The following PRKCH variants were observed in gnomAD, a reference collection of about 807,000 sequenced individuals.
PRKCH encodes protein kinase C eta.
PRKCH carries 28 observed loss-of-function variants against 82.5 expected under a neutral mutation model. That is an observed-to-expected ratio of 0.34 (90% CI 0.25 to 0.47). The LOEUF (loss-of-function observed/expected upper bound fraction) is 0.47, where lower values mean the gene tolerates loss of function less well. Among genes scored for constraint, PRKCH ranks in the 20% least tolerant of loss-of-function variants. The probability of loss-of-function intolerance (pLI) is 1.00; values close to 1 mark genes in which losing one functional copy is unlikely to be tolerated. For missense variants in PRKCH, 705 were observed against 881.8 expected (o/e 0.80, Z 2.54); for synonymous variants, 322 against 327.4 (o/e 0.98, Z 0.18).
chr14:61,195,679 G>A (rs2044436045), intron 1 of PRKCH, among the ~76,000 whole-genome samples: 2 of 152,210 alleles, frequency 1.3e-5, no homozygotes, highest in Non-Finnish European at 2.9e-5. Flanking sequence ...TAAAGGAGTA[G>A]GAGTTGTTGA....
At chr14:61,449,017 A>G in intron 4 of PRKCH, 147 bp from the exon 5 acceptor site, 2 of 676,236 alleles carry the variant, frequency 3.0e-6, no homozygotes, top group Non-Finnish European at 5.2e-6. Context: ...TGGCGAAGGC[A>G]ATAGGAAGGA....
chr14:61,211,496 T>G (rs1443360978), intron 1 of PRKCH, among the ~76,000 whole-genome samples: 2 of 152,184 alleles, frequency 1.3e-5, no homozygotes, highest in Non-Finnish European at 2.9e-5. Context: ...CCAAGAAAGT[T>G]CTGTTAATTG....
upstream of PRKCH, among the ~76,000 whole-genome samples, chr14:61,318,694 G>A (rs1329266729): frequency 1.3e-5 from 2 of 151,730 alleles, no homozygotes; most frequent in Non-Finnish European, 2.9e-5. Flanking sequence ...TACCACCTGA[G>A]TCCTGGCCAC....
chr14:61,351,383 G>C (rs1200565758), intron 1 of PRKCH, among the ~76,000 whole-genome samples: 2 of 152,200 alleles, frequency 1.3e-5, no homozygotes, highest in Non-Finnish European at 2.9e-5. Flanking sequence ...TGGGCGAGGA[G>C]TGCAGGTGGT....
chr14:61,193,232 ACAT>A (rs2044419112), intron 1 of PRKCH, among the ~76,000 whole-genome samples: 1 of 152,222 alleles, frequency 6.6e-6, no homozygotes, highest in Non-Finnish European at 1.5e-5. Flanking sequence ...AATGGAAAAA[ACAT>A]GTTTGCCTTA....
At chr14:61,208,909 G>T (rs2044548035) in intron 1 of PRKCH, among the ~76,000 whole-genome samples, 1 of 152,130 alleles carries the variant, frequency 6.6e-6, no homozygotes, top group Non-Finnish European at 1.5e-5. Flanking sequence ...CGTTAGATGG[G>T]ATTAGTACCT....
intron 1 of PRKCH, among the ~76,000 whole-genome samples, chr14:61,264,981 A>G (rs2045084750): frequency 6.6e-6 from 1 of 152,156 alleles, no homozygotes; most frequent in Non-Finnish European, 1.5e-5. Context: ...AGATCACTAG[A>G]GCCACCCAGT....
intron 9 of PRKCH, among the ~76,000 whole-genome samples, chr14:61,468,764 A>G (rs1202263234): frequency 6.6e-6 from 1 of 152,162 alleles, no homozygotes; most frequent in Admixed American, 6.5e-5. Context: ...GACTGAGTAG[A>G]CCGCCACCTC....
intron 1 of PRKCH, among the ~76,000 whole-genome samples, chr14:61,229,881 G>A (rs1247825315): frequency 6.6e-6 from 1 of 152,122 alleles, no homozygotes; most frequent in East Asian, 1.9e-4. Flanking sequence ...ATGCAATGTC[G>A]ACGGCATGGG....
intron 1 of PRKCH, among the ~76,000 whole-genome samples, chr14:61,196,269 T>C (rs1233756496): frequency 6.6e-6 from 1 of 152,200 alleles, no homozygotes; most frequent in Non-Finnish European, 1.5e-5. Flanking sequence ...AATGTGGTGA[T>C]GGTCAGGAGT....
At chr14:61,248,657 A>G (rs981789015) in intron 1 of PRKCH, among the ~76,000 whole-genome samples, 9 of 152,158 alleles carry the variant, frequency 5.9e-5, no homozygotes, top group South Asian at 2.1e-4. Context: ...AAATTATCCA[A>G]TAAACCTCCT....
At chr14:61,244,462 A>G (rs1270262623) in intron 1 of PRKCH, among the ~76,000 whole-genome samples, 1 of 152,190 alleles carries the variant, frequency 6.6e-6, no homozygotes, top group Non-Finnish European at 1.5e-5. Flanking sequence ...TTTTAAACCT[A>G]CCCTGCTCTA....
intron 1 of PRKCH, among the ~76,000 whole-genome samples, chr14:61,215,209 G>A (rs2044608329): frequency 6.6e-6 from 1 of 152,094 alleles, no homozygotes; most frequent in Non-Finnish European, 1.5e-5. Flanking sequence ...CTTTTTTTTA[G>A]ATGTGAGGAA....
At position 61,265,968 on chromosome 14, in the gene PRKCH, G is replaced by A. The variant is rs150393271; in HGVS notation, c.-19+78300G>A. On this transcript the variant is annotated intron_variant, in intron 1 of 3. Transcript: ENST00000555185. ...AAATTAGCCAAGCGTGGTGGCATGCGCCTGTAATCCTAGCTACTCGGGAGG... is the reference window on the plus strand; with the variant it reads ...AAATTAGCCAAGCGTGGTGGCATGCACCTGTAATCCTAGCTACTCGGGAGG... Among the ~76,000 whole-genome samples the A allele has an allele frequency of 1.3e-3, 200 of 152,202 alleles. 1 individual carries two copies. Among genetic ancestry groups the A allele is most frequent in the African/African-American group, 4.7e-3 (196 of 41,524 alleles).
At position 61,534,325 on chromosome 14, in the gene PRKCH, A is replaced by G. The variant is rs373313319; in HGVS notation, c.1761+3730A>G. On this transcript the variant is annotated intron_variant, in intron 12 of 13. Transcript: ENST00000332981. ...GTGGAAGCAACCCATGTGTCCATCA[A>G]CAGATGAATAGATAAGTAAGATGTG... Among the ~76,000 whole-genome samples, 371 of 152,344 alleles carry G rather than the reference A, an allele frequency of 2.4e-3. 2 individuals are homozygous for G. The highest frequency in any genetic ancestry group is 8.2e-3 in the African/African-American group (343 of 41,576).
At chr14:61,415,298 C>T (rs1882495253) in intron 2 of PRKCH, among the ~76,000 whole-genome samples, 1 of 152,110 alleles carries the variant, frequency 6.6e-6, no homozygotes, top group Non-Finnish European at 1.5e-5. Flanking sequence ...TAAAGTGAGG[C>T]AAAGAAAAGG....
intron 1 of PRKCH, among the ~76,000 whole-genome samples, chr14:61,188,553 C>G (rs1428550358): frequency 6.7e-6 from 1 of 148,718 alleles, no homozygotes; most frequent in African/African-American, 2.5e-5. Context: ...CTGGGACCTC[C>G]TCACCCCCAG....
intron 9 of PRKCH, among the ~76,000 whole-genome samples, chr14:61,478,964 A>G (rs1186137616): frequency 2.6e-5 from 4 of 152,224 alleles, no homozygotes; most frequent in African/African-American, 7.2e-5. Context: ...TGCAAAAAAA[A>G]GAACTAAAAA....
intron 1 of PRKCH, among the ~76,000 whole-genome samples, chr14:61,227,988 G>A (rs1249743274): frequency 2.6e-5 from 4 of 152,170 alleles, no homozygotes; most frequent in African/African-American, 9.7e-5. Context: ...ATACCTTCCA[G>A]GTTTCCATCA....
Sources: gnomAD v4.1 joint callset for allele counts (sites outside exome capture counted in the v4.1 genomes callset) on GRCh38, gnomAD v4.1.1 for gene constraint, MANE v1.5 for transcripts, NCBI Gene and HGNC (gene_info 2026-07-23, HGNC 2026-07-21) for gene names.